Variants in LAMA2 observed in about 807,000 individuals in gnomAD.
LAMA2 encodes laminin subunit alpha 2.
In LAMA2, 269 loss-of-function variants were observed where a neutral mutation model predicts 364.8. The ratio of observed to expected loss-of-function variants is 0.74; its 90% CI spans 0.67 to 0.82. The LOEUF is 0.82. LAMA2 is among the 40% of genes least tolerant of loss of function. The pLI is 0.00. For missense variants in LAMA2, 3,807 were observed against 3,873.2 expected, an observed-to-expected ratio of 0.98 and a Z score of 0.45; for synonymous variants, 1,379 against 1,370.6, an observed-to-expected ratio of 1.01 and a Z score of -0.14.
At chr6:129,243,968 A>G (rs1040707254) in intron 12 of LAMA2, among the ~76,000 whole-genome samples, 3 of 152,022 alleles carry the variant, frequency 2.0e-5, no homozygotes, top group African/African-American at 7.2e-5. Flanking sequence ...AGGAAAAAAA[A>G]GGTGGAAGAG....
At chr6:129,222,857 C>T (rs1324752332) in intron 12 of LAMA2, among the ~76,000 whole-genome samples, 1 of 152,088 alleles carries the variant, frequency 6.6e-6, no homozygotes, top group Non-Finnish European at 1.5e-5. Context: ...GGTATATACC[C>T]AGTAATGGGA....
intron 56 of LAMA2, among the ~76,000 whole-genome samples, chr6:129,489,891 A>G (rs2571593): frequency 0.65 from 99,128 of 151,504 alleles, 33,033 homozygotes; most frequent in Non-Finnish European, 0.72. Flanking sequence ...TAAGTAATCA[A>G]GTAATTATGA....
At chr6:129,124,315 G>T (rs1267547089) in intron 4 of LAMA2, among the ~76,000 whole-genome samples, 1 of 152,226 alleles carries the variant, frequency 6.6e-6, no homozygotes, top group African/African-American at 2.4e-5. Flanking sequence ...GGAAGGTAGA[G>T]ATGATGTCCC....
chr6:129,218,857 A>G (rs780307334), intron 12 of LAMA2, among the ~76,000 whole-genome samples: 4 of 152,180 alleles, frequency 2.6e-5, no homozygotes, highest in Admixed American at 2.6e-4. Flanking sequence ...TACTGTAATC[A>G]TTTTGATCAA....
intron 5 of LAMA2, among the ~76,000 whole-genome samples, chr6:129,146,588 T>C (rs1778470202): frequency 1.3e-5 from 2 of 152,022 alleles, no homozygotes; most frequent in African/African-American, 2.4e-5. Context: ...GTTGCTATAA[T>C]CACAATAAAA....
chr6:128,917,706 T>TTTTCTTTCTTTCTTTCTTTC (rs5879915), intron 1 of LAMA2, among the ~76,000 whole-genome samples: 5 of 98,364 alleles, frequency 5.1e-5, no homozygotes, highest in African/African-American at 2.0e-4. Context: ...TTTCTTTTTT[T>TTTTCTTTCTTTCTTTCTTTC]TTTCTTTCTT....
Position 129,167,046 on chromosome 6 carries a change from T to C in LAMA2, c.1306+1371T>C, listed in dbSNP as rs142200123. ...TTTCAATTATTGTAAAAACAATACATAGTAAAATAAATTCTTAATAGTAAA... is the reference window on the plus strand; with the variant it reads ...TTTCAATTATTGTAAAAACAATACACAGTAAAATAAATTCTTAATAGTAAA... On this transcript the variant is annotated intron_variant, in intron 9 of 64. Transcript: ENST00000421865. Among the ~76,000 whole-genome samples the C allele has an allele frequency of 9.6e-3, 1,461 of 152,304 alleles. 21 individuals carry two copies. The highest frequency in any genetic ancestry group is 0.033 in the African/African-American group (1,387 of 41,570).
intron 33 of LAMA2, among the ~76,000 whole-genome samples, chr6:129,367,456 A>G (rs1034188825): frequency 2.6e-5 from 4 of 152,234 alleles, no homozygotes; most frequent in African/African-American, 9.6e-5. Context: ...TTCAAAGTAC[A>G]TTAGCGCACA....
chr6:129,317,604 A>G (rs1039543294), intron 27 of LAMA2, among the ~76,000 whole-genome samples: 1 of 148,820 alleles, frequency 6.7e-6, no homozygotes, highest in African/African-American at 2.5e-5. Flanking sequence ...AAATAATAAA[A>G]AAAATATACT....
At chr6:129,023,536 C>T (rs891644231) in intron 1 of LAMA2, among the ~76,000 whole-genome samples, 1 of 152,184 alleles carries the variant, frequency 6.6e-6, no homozygotes, top group Non-Finnish European at 1.5e-5. Flanking sequence ...GTATTCTATA[C>T]CTGAGTGTCA....
intron 12 of LAMA2, among the ~76,000 whole-genome samples, chr6:129,232,562 A>G (rs1027364519): frequency 9.2e-5 from 14 of 152,152 alleles, no homozygotes; most frequent in African/African-American, 3.1e-4. Context: ...CAAAATTATA[A>G]TAATAGCAAT....
chr6:129,407,608 A>G (rs1214636254), intron 40 of LAMA2, among the ~76,000 whole-genome samples: 1 of 152,226 alleles, frequency 6.6e-6, no homozygotes, highest in East Asian at 1.9e-4. Flanking sequence ...GCAACTGGCC[A>G]CGTGGTTGTA....
At chr6:129,281,322 A>G (rs1788704079) in intron 18 of LAMA2, among the ~76,000 whole-genome samples, 1 of 152,148 alleles carries the variant, frequency 6.6e-6, no homozygotes, top group Non-Finnish European at 1.5e-5. Context: ...TAAACCCCCC[A>G]GTTCACTACA....
intron 35 of LAMA2, among the ~76,000 whole-genome samples, chr6:129,384,892 C>T (rs1488493074): frequency 2.0e-5 from 3 of 151,752 alleles, no homozygotes; most frequent in African/African-American, 7.3e-5. Flanking sequence ...GAAATAAGAA[C>T]ACCACTCACT....
chr6:129,028,925 G>GA (rs1329910041), intron 1 of LAMA2, among the ~76,000 whole-genome samples: 2 of 151,728 alleles, frequency 1.3e-5, no homozygotes, highest in African/African-American at 4.8e-5. Flanking sequence ...ATATTTGTAA[G>GA]AAAAAATGAC....
At chr6:129,146,167 G>T (rs539437565) in intron 5 of LAMA2, among the ~76,000 whole-genome samples, 25 of 151,406 alleles carry the variant, frequency 1.7e-4, no homozygotes, top group Non-Finnish European at 2.2e-4. Flanking sequence ...TGTTTTTTTT[G>T]TGTGTGTGTA....
At chr6:128,972,267 G>A (rs34087506) in intron 1 of LAMA2, among the ~76,000 whole-genome samples, 10,619 of 152,234 alleles carry the variant, frequency 0.07, 448 homozygotes, top group South Asian at 0.12. Context: ...ATTTAGGACA[G>A]TTTATTAATT....
chr6:129,086,476 A>G (rs1331256041), intron 3 of LAMA2, among the ~76,000 whole-genome samples: 3 of 152,248 alleles, frequency 2.0e-5, no homozygotes, highest in Non-Finnish European at 4.4e-5. Flanking sequence ...AAATTATCAA[A>G]AAGAAATGCT....
intron 32 of LAMA2, among the ~76,000 whole-genome samples, chr6:129,363,650 T>A (rs1777595461): frequency 1.3e-5 from 2 of 152,226 alleles, no homozygotes. Context: ...GGGAGCTTGT[T>A]AGAAAAGCAC....
Sources: allele counts gnomAD v4.1 joint callset (sites outside exome capture counted in the v4.1 genomes callset), GRCh38; gene constraint gnomAD v4.1.1; transcripts MANE v1.5; gene names NCBI Gene and HGNC (gene_info 2026-07-23, HGNC 2026-07-21).